MSRA: variants seen among roughly 807,000 people sequenced by gnomAD.
MSRA encodes the protein methionine sulfoxide reductase A.
A neutral mutation model predicts 31.3 loss-of-function variants in MSRA; 54 were observed. The ratio of observed to expected loss-of-function variants is 1.73; its 90% CI spans 1.39 to 2.17. MSRA has a LOEUF of 2.17. Ranked by LOEUF, MSRA falls within the 30% of genes most tolerant of loss-of-function variation. The pLI, the probability that MSRA is intolerant of heterozygous loss-of-function variation, is 0.00. For synonymous variants in MSRA, 169 were observed against 116.5 expected (o/e 1.45, Z -2.90); for missense variants, 507 against 300.9 (o/e 1.69, Z -5.07).
At chr8:10,149,480 G>A in intron 1 of MSRA, among the ~76,000 whole-genome samples, 1 of 152,156 alleles carries the variant, frequency 6.6e-6, no homozygotes, top group East Asian at 1.9e-4. Context: ...GCCCCTCCAG[G>A]GCCTGTGCTG....
At chr8:10,373,809 C>T (rs753263245) in intron 5 of MSRA, among the ~76,000 whole-genome samples, 2 of 152,208 alleles carry the variant, frequency 1.3e-5, no homozygotes, top group African/African-American at 2.4e-5. Flanking sequence ...GAGCTTAGAC[C>T]TGGTAGGGTG....
chr8:10,278,522 A>T (rs1294339098), intron 3 of MSRA, among the ~76,000 whole-genome samples: 1 of 152,200 alleles, frequency 6.6e-6, no homozygotes, highest in Non-Finnish European at 1.5e-5. Context: ...TGAAATCTAC[A>T]TCCAGCCCAT....
intron 1 of MSRA, among the ~76,000 whole-genome samples, chr8:10,120,692 C>A (rs1007357132): frequency 2.6e-5 from 4 of 152,162 alleles, no homozygotes; most frequent in Non-Finnish European, 5.9e-5. Context: ...GTAAACAAAT[C>A]GTATAATTAA....
At chr8:10,119,972 T>A (rs1800986793) in intron 1 of MSRA, among the ~76,000 whole-genome samples, 1 of 152,104 alleles carries the variant, frequency 6.6e-6, no homozygotes, top group African/African-American at 2.4e-5. Context: ...AAGAGAGCAA[T>A]GACAAGTATT....
intron 2 of MSRA, among the ~76,000 whole-genome samples, chr8:10,221,521 C>G (rs902741967): frequency 6.6e-6 from 1 of 151,996 alleles, no homozygotes; most frequent in African/African-American, 2.4e-5. Flanking sequence ...TCCCCAGGGT[C>G]AGGCTACTAG....
At chr8:10,264,598 G>C (rs762255775) in intron 3 of MSRA, among the ~76,000 whole-genome samples, 1 of 152,204 alleles carries the variant, frequency 6.6e-6, no homozygotes, top group African/African-American at 2.4e-5. Flanking sequence ...GGGAAGGGCT[G>C]AGCTGCTTGG....
chr8:10,347,592 G>A (rs1483491015), intron 5 of MSRA, among the ~76,000 whole-genome samples: 2 of 152,078 alleles, frequency 1.3e-5, no homozygotes, highest in Non-Finnish European at 2.9e-5. Flanking sequence ...CTGGTCACTG[G>A]GTTCCAGTCT....
rs556673906 is a variant in MSRA at position 10,215,222 on chromosome 8, A to G, written c.211+7321A>G. ...CCAGAAAGTGAAGCCCTCCTCCCAC[A>G]AAAAGGTTATGGAGGAGTCTGTAAA... On this transcript the variant is annotated intron_variant, in intron 2 of 5. Transcript: ENST00000317173. Among the ~76,000 whole-genome samples, 5 of 152,350 alleles carry G rather than the reference A, an allele frequency of 3.3e-5. No homozygotes were observed. The South Asian group carries it at 1.0e-3, about 32-fold the overall frequency.
chr8:10,124,122 G>A (rs765511111), intron 1 of MSRA, among the ~76,000 whole-genome samples: 13 of 152,068 alleles, frequency 8.5e-5, no homozygotes, highest in African/African-American at 1.2e-4. Flanking sequence ...AAGACCACTG[G>A]ATCAGAAGAC....
chr8:10,372,365 C>T lies in MSRA; in HGVS notation c.543+52376C>T, dbSNP rs12544871. On this transcript the variant is annotated intron_variant, in intron 5 of 5. Coordinates refer to ENST00000317173, the MANE Select transcript of MSRA (RefSeq NM_012331.5). ...ATGGAGATTACTTTCAGAATGCTCA[C>T]AAATAAGAGAAACAGATTCCTTCTG... 6.6e-3 allele frequency among the ~76,000 whole-genome samples: 1,002 copies of T among 152,334 alleles called. 39 individuals carry two copies. The highest frequency in any genetic ancestry group is 0.06 in the Admixed American group (921 of 15,304).
intron 1 of MSRA, among the ~76,000 whole-genome samples, chr8:10,141,188 G>T (rs1326841720): frequency 2.0e-5 from 3 of 152,192 alleles, no homozygotes; most frequent in Non-Finnish European, 4.4e-5. Context: ...AGAAATGGGA[G>T]TGGACGTTAT....
At chr8:10,244,316 T>C (rs981993196) in intron 2 of MSRA, among the ~76,000 whole-genome samples, 24 of 152,178 alleles carry the variant, frequency 1.6e-4, no homozygotes, top group Non-Finnish European at 5.9e-5. Context: ...CCCAAGGAAG[T>C]GCATGGCAAC....
intron 1 of MSRA, among the ~76,000 whole-genome samples, chr8:10,183,772 CTGGTGGTGGTGGTGGTGG>C (rs144951163): frequency 6.3e-5 from 9 of 141,888 alleles, no homozygotes; most frequent in African/African-American, 8.1e-5. Flanking sequence ...ACAAGCTGAG[CTGGTGGTGGTGGTGGTGG>C]TGGTGGTGGT....
At chr8:10,357,951 T>A (rs762631690) in intron 5 of MSRA, among the ~76,000 whole-genome samples, 11 of 152,216 alleles carry the variant, frequency 7.2e-5, no homozygotes, top group Non-Finnish European at 1.3e-4. Flanking sequence ...AAATGGAGTT[T>A]TACTCTTGTT....
chr8:10,325,100 A>G (rs1007779987), intron 5 of MSRA, among the ~76,000 whole-genome samples: 2 of 152,298 alleles, frequency 1.3e-5, no homozygotes, highest in Non-Finnish European at 2.9e-5. Context: ...AAAGTGATGC[A>G]TTAGTGTCCT....
chr8:10,059,052 A>G (rs1802555927), intron 1 of MSRA: 1 of 152,222 alleles, frequency 6.6e-6, no homozygotes, highest in South Asian at 2.1e-4. Flanking sequence ...AAGAGGAAAA[A>G]AGATCAGAAG....
chr8:10,347,173 T>A (rs1307196510), intron 5 of MSRA, among the ~76,000 whole-genome samples: 3 of 152,214 alleles, frequency 2.0e-5, no homozygotes, highest in African/African-American at 7.2e-5. Flanking sequence ...TCTGTCTTGT[T>A]CATCACTGTA....
chr8:10,394,364 C>T (rs947272545), intron 5 of MSRA, among the ~76,000 whole-genome samples: 4 of 152,170 alleles, frequency 2.6e-5, no homozygotes, highest in African/African-American at 9.7e-5. Context: ...ACAGAGTTCC[C>T]TAGCCACCCC....
intron 3 of MSRA, among the ~76,000 whole-genome samples, chr8:10,267,382 G>C (rs1585317190): frequency 6.6e-6 from 1 of 152,096 alleles, no homozygotes; most frequent in East Asian, 1.9e-4. Flanking sequence ...GGAAGGAGTT[G>C]ATTTTGGAAA....
Sources: allele counts gnomAD v4.1 joint callset (sites outside exome capture counted in the v4.1 genomes callset), GRCh38; gene constraint gnomAD v4.1.1; transcripts MANE v1.5; gene names NCBI Gene and HGNC (gene_info 2026-07-23, HGNC 2026-07-21).